Variants in IGSF10 observed in about 807,000 individuals in gnomAD.
IGSF10 encodes the protein immunoglobulin superfamily member 10, also known as calvaria mechanical force protein 608.
Under a neutral mutation model 128.2 loss-of-function variants are expected in IGSF10, and 126 were observed. The observed-to-expected ratio is 0.98, with a 90% confidence interval of 0.85 to 1.14. The LOEUF (loss-of-function observed/expected upper bound fraction) is 1.14. Ranked by LOEUF, IGSF10 falls within the 50% of genes most tolerant of loss-of-function variation. IGSF10 has a pLI of 0.00. For missense variants in IGSF10, 3,295 were observed against 3,149.8 expected (o/e 1.05, Z -1.10); for synonymous variants, 1,185 against 1,146.2 (o/e 1.03, Z -0.68).
At chr3:151,594,016 A>C in the IGSF10 span, among the ~76,000 whole-genome samples, 5 of 152,176 alleles carry the variant, frequency 3.3e-5, no homozygotes, top group African/African-American at 1.2e-4. Flanking sequence ...AGACTGTTTG[A>C]CCACAGGTGT....
the IGSF10 span, among the ~76,000 whole-genome samples, chr3:151,514,947 T>A: frequency 1.2e-4 from 19 of 152,252 alleles, no homozygotes; most frequent in Middle Eastern, 6.8e-3. Flanking sequence ...AGAATGGCGA[T>A]CATTAAAAAG....
the IGSF10 span, among the ~76,000 whole-genome samples, chr3:151,565,119 A>G: frequency 2.0e-5 from 3 of 152,150 alleles, no homozygotes; most frequent in Non-Finnish European, 4.4e-5. Context: ...ACTCTGAAAG[A>G]ACTCTCTAGT....
At chr3:151,531,937 G>C in the IGSF10 span, among the ~76,000 whole-genome samples, 4 of 151,740 alleles carry the variant, frequency 2.6e-5, no homozygotes, top group Non-Finnish European at 4.4e-5. Context: ...CCGCTAGCAA[G>C]ACTAATGAAG....
At position 151,451,659 on chromosome 3, in the gene IGSF10, GTATACC is replaced by G. The variant is rs1721514743; in HGVS notation, c.715+1719_715+1724del. ...GCAATCAATATAGCTATCACAGCTT[GTATACC>G]TATAAAGACTGTCATAGCTATTGTC... On this transcript the variant is annotated intron_variant, in intron 5 of 7. Transcript: ENST00000282466. Among the ~76,000 whole-genome samples the G allele has an allele frequency of 2.6e-5, 4 of 152,310 alleles. No homozygotes were observed. In the South Asian group the frequency reaches 8.3e-4, roughly 32 times the overall value.
At chr3:151,486,173 G>C in the IGSF10 span, among the ~76,000 whole-genome samples, 3 of 152,090 alleles carry the variant, frequency 2.0e-5, no homozygotes, top group African/African-American at 7.2e-5. Flanking sequence ...TGCAATCCTA[G>C]TATCTGATAA....
chr3:151,489,050 G>A, the IGSF10 span, among the ~76,000 whole-genome samples: 2 of 152,258 alleles, frequency 1.3e-5, no homozygotes, highest in Middle Eastern at 3.4e-3. Context: ...CTACATAATG[G>A]GAGAAAATTT....
chr3:151,455,132 T>G (rs1721722019), intron 4 of IGSF10, among the ~76,000 whole-genome samples: 1 of 151,740 alleles, frequency 6.6e-6, no homozygotes, highest in South Asian at 2.1e-4. Flanking sequence ...TTTTTTGAGA[T>G]GGAGTTTCAC....
At chr3:151,581,632 T>C in the IGSF10 span, among the ~76,000 whole-genome samples, 1 of 152,254 alleles carries the variant, frequency 6.6e-6, no homozygotes, top group Non-Finnish European at 1.5e-5. Flanking sequence ...GATTCTTTCC[T>C]GTACTTGTTG....
chr3:151,487,089 C>T, the IGSF10 span, among the ~76,000 whole-genome samples: 2 of 151,516 alleles, frequency 1.3e-5, no homozygotes, highest in African/African-American at 4.9e-5. Flanking sequence ...GCTAGCCAGA[C>T]TAATGAAGAA....
chr3:151,528,536 G>A, the IGSF10 span, among the ~76,000 whole-genome samples: 3 of 152,162 alleles, frequency 2.0e-5, no homozygotes, highest in Non-Finnish European at 4.4e-5. Flanking sequence ...TTGGACAGTG[G>A]GTGCAGCCCA....
At chr3:151,458,272 G>A (rs535337489) in intron 3 of IGSF10, among the ~76,000 whole-genome samples, 29 of 152,110 alleles carry the variant, frequency 1.9e-4, no homozygotes, top group Middle Eastern at 3.4e-3. Context: ...GCTTTTTACC[G>A]TCATGAGTCT....
chr3:151,443,895 A>G lies in IGSF10; in HGVS notation c.5063-11T>C. On this transcript the variant is annotated splice_polypyrimidine_tract_variant and intron_variant, in intron 6 of 7. Transcript: ENST00000282466. ...TAGATAAATCAAGTCCTGAGAAGAA[A>G]AAAAGAAAATTATTGCTACGGGTCA... 2 of 1,560,492 alleles carry G rather than the reference A, an allele frequency of 1.3e-6. No homozygotes were observed. Among genetic ancestry groups the G allele is most frequent in the Non-Finnish European group, 1.7e-6 (2 of 1,153,000 alleles).
rs755403180 is a variant in IGSF10, at chr3:151,436,831, C to G, written c.7730G>C (p.Arg2577Thr). ...HSLLSTASKE[R>T]THGSEQLHLQ... ...GTGAAGCTGCTCACTTCCATGTGTC[C>G]TCTCTTTACTTGCCGTTGAGAGAAG... Residue 2577 changes from arginine to threonine, a missense_variant, in exon 8 of 8, where the codon AGG becomes ACG. Coordinates refer to ENST00000282466, the MANE Select transcript of IGSF10 (RefSeq NM_178822.5). 17 of 1,614,020 alleles carry G rather than the reference C, an allele frequency of 1.1e-5. No homozygotes were observed. Among genetic ancestry groups the G allele is most frequent in the South Asian group, 2.2e-5 (2 of 91,090 alleles).
chr3:151,520,104 GA>G, the IGSF10 span, among the ~76,000 whole-genome samples: 1 of 150,334 alleles, frequency 6.7e-6, no homozygotes, highest in Non-Finnish European at 1.5e-5. Flanking sequence ...ACTTCCATTT[GA>G]AAAAAAAGTG....
At chr3:151,578,837 T>A in the IGSF10 span, among the ~76,000 whole-genome samples, 1 of 152,162 alleles carries the variant, frequency 6.6e-6, no homozygotes, top group African/African-American at 2.4e-5. Context: ...CATTAGCAGT[T>A]TACTACTGCT....
At chr3:151,497,609 T>C in the IGSF10 span, among the ~76,000 whole-genome samples, 1 of 152,234 alleles carries the variant, frequency 6.6e-6, no homozygotes, top group Non-Finnish European at 1.5e-5. Flanking sequence ...TCAGGTAGCA[T>C]GATGCCTCCA....
At chr3:151,439,626 T>C (rs932310410) in intron 7 of IGSF10, among the ~76,000 whole-genome samples, 2 of 150,178 alleles carry the variant, frequency 1.3e-5, no homozygotes, top group Non-Finnish European at 2.9e-5. Context: ...AAAAAATAAA[T>C]TTTACTTTGT....
In IGSF10 at chr3:151,446,214, G is replaced by T. The variant is rs766281339; in HGVS notation, c.3767C>A (p.Ser1256Ter). ...AGATGGAATTTGCATCACACTTGTT[G>T]AAAGTGTGGTGAAATGGAAAGGGGA... is the stretch of plus-strand genomic sequence containing the variant. Reference protein sequence around the residue: ...KVSPFHFTTLSTSVMQIPSNT... With the variant: ...KVSPFHFTTL The change falls in exon 6 of 8, where the codon TCA becomes TAA. Residue 1256 changes from serine (S) to a stop codon, truncating the protein, a stop_gained. Coordinates refer to ENST00000282466, the MANE Select transcript of IGSF10 (RefSeq NM_178822.5). LOFTEE classifies it high-confidence loss of function. 2 of 1,613,608 alleles carry T rather than the reference G, an allele frequency of 1.2e-6. No homozygotes were observed. The highest frequency in any genetic ancestry group is 1.1e-5 in the South Asian group (1 of 91,046).
the IGSF10 span, among the ~76,000 whole-genome samples, chr3:151,604,537 C>T: frequency 1.3e-5 from 2 of 151,426 alleles, no homozygotes; most frequent in African/African-American, 4.8e-5. Context: ...TATCATCTTT[C>T]CCCCAGTACA....
Sources: allele counts gnomAD v4.1 joint callset (sites outside exome capture counted in the v4.1 genomes callset), GRCh38; gene constraint gnomAD v4.1.1; transcripts MANE v1.5; gene names NCBI Gene and HGNC (gene_info 2026-07-23, HGNC 2026-07-21).